ALK: variants seen among roughly 807,000 people sequenced by gnomAD.
ALK encodes ALK tyrosine kinase receptor.
ALK carries 74 observed loss-of-function variants against 163.1 expected under a neutral mutation model. That is an observed-to-expected ratio of 0.45 (90% CI 0.38 to 0.55). ALK has a LOEUF of 0.55. Among genes scored for constraint, ALK ranks in the 20% least tolerant of loss-of-function variants. ALK has a pLI of 0.00. For missense variants in ALK, 2,063 were observed against 2,105.3 expected, an observed-to-expected ratio of 0.98 and a Z score of 0.39; for synonymous variants, 960 against 843.2, an observed-to-expected ratio of 1.14 and a Z score of -2.40.
Position 29,209,910 on chromosome 2 carries a change from T to C in ALK, c.3744-32A>G, listed in dbSNP as rs3738867. The C allele has an allele frequency of 0.033, 51,039 of 1,569,330 alleles. 3,218 individuals carry two copies. Among genetic ancestry groups the C allele is most frequent in the African/African-American group, 0.27 (20,074 of 74,114 alleles). On this transcript the variant is annotated intron_variant, in intron 24 of 28. Coordinates refer to ENST00000389048, the MANE Select transcript of ALK (RefSeq NM_004304.5). ...AGAAAGGAAATGCATTTCCTAATTT[T>C]ATCCCTAGGAAGATGAGTGTACAAC... is the stretch of plus-strand genomic sequence containing the variant.
At chr2:29,244,760 G>A (rs191013835) in intron 12 of ALK, among the ~76,000 whole-genome samples, 1 of 152,326 alleles carries the variant, frequency 6.6e-6, no homozygotes, top group Non-Finnish European at 1.5e-5. Context: ...ACATTCCCTG[G>A]TCTGTGCCCT....
At chr2:29,197,405 C>T (rs2148142741) in intron 27 of ALK, 137 bp downstream of exon 27, 1 of 1,316,788 alleles carries the variant, frequency 7.6e-7, no homozygotes, top group Non-Finnish European at 1.0e-6. Context: ...GTCGCAGTCA[C>T]ATTCGCATCT....
chr2:29,602,674 A>G (rs1257886459), intron 3 of ALK, among the ~76,000 whole-genome samples: 1 of 152,178 alleles, frequency 6.6e-6, no homozygotes, highest in East Asian at 1.9e-4. Context: ...TACAACAATG[A>G]CAAAGATCAG....
chr2:29,248,439 G>A (rs1664740302), intron 12 of ALK, among the ~76,000 whole-genome samples: 1 of 152,160 alleles, frequency 6.6e-6, no homozygotes, highest in African/African-American at 2.4e-5. Flanking sequence ...CCCCAGCCTG[G>A]GCAACAGAGC....
At chr2:29,908,229 T>C (rs1251250199) in intron 1 of ALK, among the ~76,000 whole-genome samples, 1 of 152,110 alleles carries the variant, frequency 6.6e-6, no homozygotes, top group African/African-American at 2.4e-5. Flanking sequence ...GTTCAGAATA[T>C]CTGACCTAGC....
chr2:29,877,614 TG>T (rs1296302005), intron 1 of ALK, among the ~76,000 whole-genome samples: 1 of 152,200 alleles, frequency 6.6e-6, no homozygotes, highest in Admixed American at 6.5e-5. Flanking sequence ...GTCAGTTCAT[TG>T]TTTAACTGAA....
intron 1 of ALK, among the ~76,000 whole-genome samples, chr2:29,772,830 C>T (rs1310257283): frequency 6.6e-6 from 1 of 152,186 alleles, no homozygotes; most frequent in Non-Finnish European, 1.5e-5. Flanking sequence ...GTGCCCCAGC[C>T]TCTTACAGGT....
At chr2:29,221,535 A>G (rs1669804393) in intron 22 of ALK, among the ~76,000 whole-genome samples, 1 of 152,208 alleles carries the variant, frequency 6.6e-6, no homozygotes. Flanking sequence ...TTTGAGTGAT[A>G]TGGGTCTTCT....
chr2:29,844,532 T>G (rs1665789272), intron 1 of ALK, among the ~76,000 whole-genome samples: 1 of 152,200 alleles, frequency 6.6e-6, no homozygotes, highest in African/African-American at 2.4e-5. Context: ...AAATGTTACT[T>G]GAATCTCCAT....
chr2:29,840,937 G>A (rs938146457), intron 1 of ALK, among the ~76,000 whole-genome samples: 1 of 152,084 alleles, frequency 6.6e-6, no homozygotes, highest in Non-Finnish European at 1.5e-5. Flanking sequence ...TTTAGATACG[G>A]CTACTGTTAT....
intron 12 of ALK, among the ~76,000 whole-genome samples, chr2:29,250,620 A>T (rs1398624660): frequency 6.6e-6 from 1 of 152,050 alleles, no homozygotes. Flanking sequence ...CTAAGGGAAT[A>T]CTGGGGGCTG....
At position 29,275,099 on chromosome 2, in the gene ALK, C is replaced by A; in HGVS notation, c.2041G>T (p.Val681Phe). 6.2e-7 allele frequency: 1 copy of A among 1,614,042 alleles called. No homozygotes were observed. ...PRQTPIFDPT[V>F]HWLFTTCGAS... ...TCACATTTGTGAGCTGAACCCTTAC[C>A]TGTAGGGTCAAAGATGGGGGTCTGT... is the stretch of plus-strand genomic sequence containing the variant. The change falls in exon 11 of 29, where the codon GTT (valine) becomes TTT (phenylalanine). Residue 681 changes from valine to phenylalanine, a missense_variant and splice_region_variant. Physicochemically the swap from Val to Phe is conservative, Grantham distance 50. Around this residue, in one of 5 missense-constraint regions of ALK, gnomAD observed 987 missense variants for 939.5 expected, o/e 1.05. Coordinates refer to ENST00000389048, the MANE Select transcript of ALK (RefSeq NM_004304.5).
intron 1 of ALK, among the ~76,000 whole-genome samples, chr2:29,846,457 A>G (rs1221406648): frequency 6.6e-6 from 1 of 152,252 alleles, no homozygotes. Flanking sequence ...CTCCATGAGA[A>G]CAAGACCTTG....
intron 4 of ALK, among the ~76,000 whole-genome samples, chr2:29,524,698 A>C (rs531004030): frequency 6.6e-6 from 1 of 152,332 alleles, no homozygotes; most frequent in Non-Finnish European, 1.5e-5. Flanking sequence ...TCTGTTGTTA[A>C]CCTGGGACCT....
At chr2:29,587,683 T>C (rs956078452) in intron 3 of ALK, among the ~76,000 whole-genome samples, 4 of 152,174 alleles carry the variant, frequency 2.6e-5, no homozygotes, top group Non-Finnish European at 5.9e-5. Flanking sequence ...TGATCTCCCA[T>C]ACAGATAACA....
chr2:29,585,307 C>T (rs902494511), intron 3 of ALK, among the ~76,000 whole-genome samples: 11 of 152,150 alleles, frequency 7.2e-5, no homozygotes, highest in Admixed American at 6.5e-4. Context: ...GTTAATATTT[C>T]AATGTATTTT....
At chr2:29,526,047 G>T (rs1258601029) in intron 4 of ALK, among the ~76,000 whole-genome samples, 1 of 152,182 alleles carries the variant, frequency 6.6e-6, no homozygotes, top group Non-Finnish European at 1.5e-5. Context: ...TGGTTACTCT[G>T]AGAAGGAGGG....
chr2:29,359,818 T>C (rs1043543263), intron 5 of ALK, among the ~76,000 whole-genome samples: 6 of 152,246 alleles, frequency 3.9e-5, no homozygotes, highest in Non-Finnish European at 7.3e-5. Flanking sequence ...GTCTTGAAGA[T>C]AATTCCACCT....
At chr2:29,919,968 G>A (rs757755508) in intron 1 of ALK, 25 bp downstream of exon 1, 14 of 1,609,868 alleles carry the variant, frequency 8.7e-6, no homozygotes, top group Non-Finnish European at 1.2e-5. Context: ...CTAAATCCCG[G>A]CACACTCAGG....
Sources: allele counts gnomAD v4.1 joint callset (sites outside exome capture counted in the v4.1 genomes callset), GRCh38; gene constraint gnomAD v4.1.1; regional missense constraint gnomAD v4.1.1; transcripts MANE v1.5; gene names NCBI Gene and HGNC (gene_info 2026-07-23, HGNC 2026-07-21).